The following MAP3K8 variants were observed in gnomAD, a reference collection of about 807,000 sequenced individuals.
MAP3K8 encodes the protein mitogen-activated protein kinase kinase kinase 8, also known as Ewing sarcoma transformant.
MAP3K8 carries 22 observed loss-of-function variants against 45.8 expected under a neutral mutation model. The observed-to-expected ratio is 0.48, with a 90% CI of 0.34 to 0.69. The LOEUF is 0.69. Ranked by LOEUF, MAP3K8 falls within the 30% of genes least tolerant of loss-of-function variation. MAP3K8 has a pLI of 0.01. For missense variants in MAP3K8, 419 were observed against 585.0 expected (o/e 0.72, Z 2.93); for synonymous variants, 223 against 214.3 (o/e 1.04, Z -0.36).
chr10:30,457,188 A>G (rs886165939), intron 6 of MAP3K8, among the ~76,000 whole-genome samples: 1 of 152,212 alleles, frequency 6.6e-6, no homozygotes, highest in Non-Finnish European at 1.5e-5. Flanking sequence ...CGTTAGAGAA[A>G]CTATTTATAA....
At position 30,458,114 on chromosome 10, in the gene MAP3K8, A is replaced by C; in HGVS notation, c.904A>C (p.Arg302=). Residue 302 remains arginine, a synonymous_variant, in exon 7 of 9, where the codon AGG becomes CGG. Transcript: ENST00000263056. ...CATGAGCCCAGAGGTCATCCTGTGCAGGGGCCATTCAACCAAAGCAGACAT... is the reference window on the plus strand; with the variant it reads ...CATGAGCCCAGAGGTCATCCTGTGCCGGGGCCATTCAACCAAAGCAGACAT... ...IYMSPEVILC[R]GHSTKADIYS... is the part of the protein sequence containing the mutation. The C allele has an allele frequency of 1.3e-6, 2 of 1,590,016 alleles. No homozygotes were observed. The highest frequency in any genetic ancestry group is 1.7e-6 in the Non-Finnish European group (2 of 1,167,694).
intron 3 of MAP3K8, among the ~76,000 whole-genome samples, chr10:30,447,579 C>T (rs1200275894): frequency 2.6e-5 from 4 of 152,154 alleles, no homozygotes; most frequent in Non-Finnish European, 4.4e-5. Context: ...TGACCAGGCA[C>T]CTGCATCTGT....
chr10:30,452,617 T>C (rs1836588302), intron 6 of MAP3K8, among the ~76,000 whole-genome samples: 1 of 150,732 alleles, frequency 6.6e-6, no homozygotes, highest in Admixed American at 6.6e-5. Flanking sequence ...AACGAGATGT[T>C]GCTTCAAAAA....
chr10:30,453,635 A>G (rs1320611465), intron 6 of MAP3K8, among the ~76,000 whole-genome samples: 1 of 152,220 alleles, frequency 6.6e-6, no homozygotes, highest in Non-Finnish European at 1.5e-5. Flanking sequence ...ACGAGGAAGC[A>G]TGACACAAGG....
Position 30,460,732 on chromosome 10 carries a change from G to C in MAP3K8, c.1300G>C (p.Glu434Gln). 6.2e-7 allele frequency: 1 copy of C among 1,611,858 alleles called. No individual in the cohort carries two copies. The highest frequency in any genetic ancestry group is 8.5e-7 in the Non-Finnish European group (1 of 1,178,970). The change falls in exon 9 of 9, where the codon GAA becomes CAA. Residue 434 changes from glutamate (E) to glutamine (Q), a missense_variant. This residue lies in a region of MAP3K8 where 108 missense variants were observed against 124.2 expected (regional missense o/e 0.87). Transcript: ENST00000263056. ...ADSSCTGSTE[E>Q]SEMLKRQRSL... ...TTCTTCGTGCACAGGAAGCACCGAGGAATCTGAGATGCTCAAGAGGCAACG... is the reference window on the plus strand; with the variant it reads ...TTCTTCGTGCACAGGAAGCACCGAGCAATCTGAGATGCTCAAGAGGCAACG...
Position 30,461,441 on chromosome 10 carries a change from G to T in MAP3K8, c.*605G>T. ...GTGACAGTTTCTTTTGTGTTCCTAT[G>T]GAAACATTTTATACTGTACATGCTA... On this transcript the variant is annotated 3_prime_UTR_variant, in exon 9 of 9. Coordinates refer to ENST00000263056, the MANE Select transcript of MAP3K8 (RefSeq NM_005204.4). The T allele has an allele frequency of 5.0e-6, 1 of 200,660 alleles. No individual in the cohort carries two copies. Among genetic ancestry groups the T allele is most frequent in the Non-Finnish European group, 1.0e-5 (1 of 97,094 alleles). The allele number at this position is 200,660 out of a possible 1,614,324, so 12.4% of individuals were successfully genotyped here. A position where few individuals can be genotyped will look rare whatever the true frequency, so the allele number is the denominator to read the frequency against.
chr10:30,452,842 ATTT>A (rs34295067), intron 6 of MAP3K8, among the ~76,000 whole-genome samples: 2 of 145,922 alleles, frequency 1.4e-5, no homozygotes, highest in African/African-American at 2.5e-5. Flanking sequence ...CATCCAGCTA[ATTT>A]TTTTTTTTTT....
chr10:30,457,205 C>A (rs1455460558), intron 6 of MAP3K8, among the ~76,000 whole-genome samples: 2 of 152,112 alleles, frequency 1.3e-5, no homozygotes, highest in East Asian at 3.8e-4. Context: ...ATAAAACCAG[C>A]CCTGTTTATT....
chr10:30,437,126 A>C, intron 1 of MAP3K8, 50 bp from the exon 2 acceptor site: 3 of 975,044 alleles, frequency 3.1e-6, no homozygotes, highest in Non-Finnish European at 3.7e-6. Flanking sequence ...CCATGAAAGC[A>C]TTTCATAGGT....
In MAP3K8 at chr10:30,434,296, C is replaced by A. The variant is rs1308395184; in HGVS notation, c.-337C>A. 10 of 246,718 alleles carry A rather than the reference C, an allele frequency of 4.1e-5. No homozygotes were observed. Among genetic ancestry groups the A allele is most frequent in the Non-Finnish European group, 5.2e-5 (8 of 154,560 alleles). 15.3% of individuals were successfully genotyped at this position (246,718 alleles called of 1,614,324 possible). On this transcript the variant is annotated 5_prime_UTR_variant, in exon 1 of 9. Coordinates refer to ENST00000263056, the MANE Select transcript of MAP3K8 (RefSeq NM_005204.4). ...AGTGGCCCGGCGTGCTCGGCTCCCA[C>A]AGGCCTGCAGCCAGCATCGCACCGA...
intron 8 of MAP3K8, among the ~76,000 whole-genome samples, chr10:30,459,808 A>G (rs568089385): frequency 8.5e-5 from 13 of 152,202 alleles, no homozygotes; most frequent in Admixed American, 7.2e-4. Flanking sequence ...CAGATTGAGC[A>G]TGACAGCTTT....
chr10:30,438,517 G>A (rs1477684302), intron 2 of MAP3K8, among the ~76,000 whole-genome samples: 2 of 152,212 alleles, frequency 1.3e-5, no homozygotes, highest in Non-Finnish European at 2.9e-5. Context: ...CAGGGAGGGT[G>A]CCACTTCGGG....
intron 6 of MAP3K8, among the ~76,000 whole-genome samples, chr10:30,456,572 G>C (rs1370208665): frequency 6.6e-6 from 1 of 152,124 alleles, no homozygotes; most frequent in Non-Finnish European, 1.5e-5. Context: ...GGCAGACAGT[G>C]TACAAGCTGT....
intron 3 of MAP3K8, among the ~76,000 whole-genome samples, chr10:30,446,160 T>C (rs1555955): frequency 7.4e-4 from 112 of 152,344 alleles, no homozygotes; most frequent in Non-Finnish European, 7.9e-4. Flanking sequence ...CCCAAAGTGC[T>C]GGGATTATAG....
At chr10:30,458,768 C>T (rs1433127523) in intron 7 of MAP3K8, among the ~76,000 whole-genome samples, 1 of 152,144 alleles carries the variant, frequency 6.6e-6, no homozygotes, top group Non-Finnish European at 1.5e-5. Flanking sequence ...TGGGTTTAAC[C>T]TGGTATCCTT....
rs1156975921 is a variant in MAP3K8, at chr10:30,450,332, G to A, written c.579G>A (p.Leu193=). ...ACFRHENIAE[L]YGAVLWGETV... is the part of the protein sequence containing the mutation. ...TCCGGCACGAGAACATCGCAGAGCT[G>A]TATGGCGCAGTCCTGTGGGGTGAAA... Residue 193 remains leucine, a synonymous_variant, in exon 5 of 9, where the codon CTG becomes CTA. Coordinates refer to ENST00000263056, the MANE Select transcript of MAP3K8 (RefSeq NM_005204.4). 6.2e-7 allele frequency: 1 copy of A among 1,614,178 alleles called. No homozygotes were observed. Among genetic ancestry groups the A allele is most frequent in the African/African-American group, 1.3e-5 (1 of 75,044 alleles).
chr10:30,456,355 T>C (rs1319676597), intron 6 of MAP3K8, among the ~76,000 whole-genome samples: 10 of 152,212 alleles, frequency 6.6e-5, no homozygotes, highest in Non-Finnish European at 1.3e-4. Flanking sequence ...CTGGCTCTGC[T>C]GCAGGGAAAG....
chr10:30,446,991 T>C (rs1336462173), intron 3 of MAP3K8, among the ~76,000 whole-genome samples: 2 of 152,188 alleles, frequency 1.3e-5, no homozygotes, highest in Non-Finnish European at 1.5e-5. Context: ...CCTCAAGATA[T>C]CCTCCTGCCT....
At position 30,447,925 on chromosome 10, in the gene MAP3K8, G is replaced by T. The variant is rs1290775418; in HGVS notation, c.480G>T (p.Thr160=). ...TATACTTGGCACAAGATATAAAGAC[G>T]AAGAAAAGAATGGCGTGTAAACTGG... is the stretch of plus-strand genomic sequence containing the variant. The part of the protein sequence containing the change: ...GKVYLAQDIK[T]KKRMACKLIP... Residue 160 remains threonine, a synonymous_variant, in exon 4 of 9, where the codon ACG becomes ACT. Coordinates refer to ENST00000263056, the MANE Select transcript of MAP3K8 (RefSeq NM_005204.4). The T allele has an allele frequency of 6.2e-7, 1 of 1,610,666 alleles. No individual in the cohort carries two copies.
Sources: gnomAD v4.1 joint callset for allele counts (sites outside exome capture counted in the v4.1 genomes callset) on GRCh38, gnomAD v4.1.1 for gene constraint, gnomAD v4.1.1 regional missense constraint, MANE v1.5 for transcripts, NCBI Gene and HGNC (gene_info 2026-07-23, HGNC 2026-07-21) for gene names.